SGSM2: variants seen among roughly 807,000 people sequenced by gnomAD.
The protein encoded by SGSM2 is small G protein signaling modulator 2, also known as RUN and TBC1 domain containing 1.
In SGSM2, 89 loss-of-function variants were observed where a neutral mutation model predicts 126.6. The ratio of observed to expected loss-of-function variants is 0.70; its 90% CI spans 0.59 to 0.84. SGSM2 has a LOEUF of 0.84. Among genes scored for constraint, SGSM2 ranks in the 40% least tolerant of loss-of-function variants. The pLI is 0.00. For synonymous variants in SGSM2, 614 were observed against 574.3 expected, an observed-to-expected ratio of 1.07 and a Z score of -0.99; for missense variants, 1,404 against 1,416.6, an observed-to-expected ratio of 0.99 and a Z score of 0.14.
In SGSM2 at chr17:2,349,788, G is replaced by GATTT. The variant is rs138851417; in HGVS notation, c.133+6168_133+6169insATTT. On this transcript the variant is annotated intron_variant, in intron 2 of 23. Transcript: ENST00000268989. ...TGGTTGGAATTTTCCCTAGTGAAAT[G>GATTT]TTTTGTTTTTTTTTTTTGAGATGGA... Among the ~76,000 whole-genome samples the GATTT allele has an allele frequency of 3.4e-5, 5 of 147,512 alleles. 1 individual carries two copies. Among genetic ancestry groups the GATTT allele is most frequent in the Non-Finnish European group, 4.5e-5 (3 of 67,002 alleles).
intron 8 of SGSM2, 170 bp from the exon 9 acceptor site, chr17:2,364,426 G>C: frequency 2.4e-6 from 2 of 822,082 alleles, no homozygotes; most frequent in South Asian, 3.3e-5. Flanking sequence ...CTGTCCATGT[G>C]CCGAGCGGGC....
In SGSM2 at chr17:2,376,194, A is replaced by C. The variant is rs761413413; in HGVS notation, c.2542A>C (p.Arg848=). 6.2e-7 allele frequency: 1 copy of C among 1,613,804 alleles called. No individual in the cohort carries two copies. The highest frequency in any genetic ancestry group is 1.1e-5 in the South Asian group (1 of 91,066). ...NLHRIDKDVQ[R]CDRNYWYFTP... is the part of the protein sequence containing the mutation. ...GCACCGCATAGACAAGGATGTGCAG[A>C]GGTGTGACCGCAACTACTGGTACTT... is the stretch of plus-strand genomic sequence containing the variant. Residue 848 remains arginine (R), a synonymous_variant, in exon 19 of 24, where the codon AGG becomes CGG. Coordinates refer to ENST00000268989, the MANE Select transcript of SGSM2 (RefSeq NM_014853.3).
intron 2 of SGSM2, among the ~76,000 whole-genome samples, chr17:2,346,385 C>T (rs2064598956): frequency 6.6e-6 from 1 of 152,164 alleles, no homozygotes; most frequent in Non-Finnish European, 1.5e-5. Flanking sequence ...CTCTGAGCTT[C>T]TTAGAATGCA....
At chr17:2,369,268 C>T (rs944682270) in intron 12 of SGSM2, among the ~76,000 whole-genome samples, 5 of 152,128 alleles carry the variant, frequency 3.3e-5, no homozygotes, top group African/African-American at 1.2e-4. Flanking sequence ...GAATCAGTGG[C>T]GGGGTGTCCA....
At chr17:2,355,016 G>A (rs2065039075) in intron 2 of SGSM2, among the ~76,000 whole-genome samples, 2 of 122,634 alleles carry the variant, frequency 1.6e-5, no homozygotes, top group Non-Finnish European at 3.3e-5. Flanking sequence ...ATCTTAGAAT[G>A]GTGGAATCGG....
intron 13 of SGSM2, 62 bp downstream of exon 13, chr17:2,371,477 CTG>C: frequency 5.3e-6 from 8 of 1,522,988 alleles, no homozygotes; most frequent in Non-Finnish European, 6.2e-6. Context: ...GTGTGTCCGT[CTG>C]TCCTTAAAGG....
At chr17:2,368,384 A>G (rs1220901051) in intron 12 of SGSM2, among the ~76,000 whole-genome samples, 1 of 152,200 alleles carries the variant, frequency 6.6e-6, no homozygotes. Context: ...GTTCTCCCAG[A>G]GACGAGGGGA....
In SGSM2 at chr17:2,362,778, C is replaced by T. The variant is rs1274837772; in HGVS notation, c.459-60C>T. On this transcript the variant is annotated intron_variant, in intron 4 of 23. Coordinates refer to ENST00000268989, the MANE Select transcript of SGSM2 (RefSeq NM_014853.3). This position sits in a 1 kb window ranked among gnomAD's most constrained non-coding sequence, Gnocchi z 4.9. Reference sequence around the variant, plus strand: ...TGTGGGGATGTCCCTACCTGGTGAGCTTGACTGCCCTGGAATGAGCCCCGG... The same window carrying T: ...TGTGGGGATGTCCCTACCTGGTGAGTTTGACTGCCCTGGAATGAGCCCCGG... 3.8e-6 allele frequency: 6 copies of T among 1,570,120 alleles called. No individual in the cohort carries two copies. Among genetic ancestry groups the T allele is most frequent in the Non-Finnish European group, 5.2e-6 (6 of 1,142,992 alleles).
chr17:2,372,338 C>G lies in SGSM2; in HGVS notation c.1643-5C>G. On this transcript the variant is annotated splice_region_variant and splice_polypyrimidine_tract_variant and intron_variant, in intron 14 of 23. Transcript: ENST00000268989. The surrounding 1 kb of genome is among the most constrained non-coding windows in gnomAD (Gnocchi z 6.0). ...CCTCCTGCTGCCCACCGCTGCCCAC[C>G]GCAGGGCTGGCACACTGCCGCCACC... The G allele has an allele frequency of 6.2e-7, 1 of 1,600,148 alleles. No homozygotes were observed. The highest frequency in any genetic ancestry group is 1.1e-5 in the South Asian group (1 of 90,106).
At chr17:2,343,456 C>T in intron 1 of SGSM2, 89 bp from the exon 2 acceptor site, 2 of 1,350,264 alleles carry the variant, frequency 1.5e-6, no homozygotes, top group East Asian at 2.3e-5. Flanking sequence ...CCCTTCAGAC[C>T]AGAAGGGCGG....
intron 1 of SGSM2, among the ~76,000 whole-genome samples, chr17:2,341,678 G>T (rs1157698855): frequency 6.6e-6 from 1 of 152,154 alleles, no homozygotes; most frequent in East Asian, 1.9e-4. Flanking sequence ...ATAATCTCCA[G>T]TACTAGGACT....
chr17:2,352,034 A>C (rs2064875644), intron 2 of SGSM2, among the ~76,000 whole-genome samples: 1 of 152,202 alleles, frequency 6.6e-6, no homozygotes, highest in African/African-American at 2.4e-5. Context: ...GAAGCGGGGA[A>C]GAGAGGGGCA....
At chr17:2,340,639 C>G (rs979029130) in intron 1 of SGSM2, among the ~76,000 whole-genome samples, 3 of 151,214 alleles carry the variant, frequency 2.0e-5, no homozygotes, top group South Asian at 2.1e-4. Flanking sequence ...GGCTGGAGTG[C>G]CGTGGCGCCA....
intron 9 of SGSM2, 93 bp downstream of exon 9, chr17:2,364,756 C>A: frequency 6.4e-7 from 1 of 1,560,528 alleles, no homozygotes; most frequent in Non-Finnish European, 8.8e-7. Flanking sequence ...ACTCCTCGTC[C>A]TCCTCCCATC....
rs2064139583 is a variant in SGSM2, at chr17:2,337,712, CAA to C, written c.26_27del (p.Lys9ArgfsTer26). 1.3e-6 allele frequency: 2 copies of C among 1,543,530 alleles called. No homozygotes were observed. The highest frequency in any genetic ancestry group is 1.8e-6 in the Non-Finnish European group (2 of 1,142,694). MGSAEDAV[K>X]EKLLWNVKKE... ...CCATGGGCAGCGCAGAGGACGCAGT[CAA>C]AGAGAAACTGCTGTGGAACGTGAAG... is the stretch of plus-strand genomic sequence containing the variant. On this transcript the variant is annotated frameshift_variant, in exon 1 of 24. Transcript: ENST00000268989. LOFTEE classifies it high-confidence loss of function. The surrounding 1 kb of genome is among the most constrained non-coding windows in gnomAD (Gnocchi z 5.1).
At position 2,337,767 on chromosome 17, in the gene SGSM2, C is replaced by CG; in HGVS notation, c.57+28dup. The CG allele has an allele frequency of 9.3e-6, 14 of 1,507,210 alleles. No individual in the cohort carries two copies. The highest frequency in any genetic ancestry group is 5.5e-5 in the East Asian group (2 of 36,474). The allele number at this position is 1,507,210 out of a possible 1,614,324, so 93.4% of individuals were successfully genotyped here. A position where few individuals can be genotyped will look rare whatever the true frequency, so the allele number is the denominator to read the frequency against. The stretch of plus-strand genomic sequence containing the variant: ...GGAGGTAAAGTCGAGTCAAGAACCC[C>CG]GGGGGGCTCGCGCCCTGGCCCGCGC... On this transcript the variant is annotated intron_variant, in intron 1 of 23. Transcript: ENST00000268989. The surrounding 1 kb of genome is among the most constrained non-coding windows in gnomAD (Gnocchi z 5.1).
chr17:2,347,251 G>A (rs1393994469), intron 2 of SGSM2, among the ~76,000 whole-genome samples: 2 of 152,038 alleles, frequency 1.3e-5, no homozygotes, highest in East Asian at 3.9e-4. Context: ...GATTACAGGT[G>A]CCTGCCACCA....
At chr17:2,345,189 A>G (rs941636652) in intron 2 of SGSM2, among the ~76,000 whole-genome samples, 3 of 152,182 alleles carry the variant, frequency 2.0e-5, no homozygotes, top group African/African-American at 7.2e-5. Flanking sequence ...TCGGCCGGGC[A>G]CAGTGGCTCA....
chr17:2,380,792 A>G lies in SGSM2; in HGVS notation c.*1272A>G, dbSNP rs774773534. The G allele has an allele frequency of 5.2e-6, 1 of 193,874 alleles. No individual in the cohort carries two copies. The highest frequency in any genetic ancestry group is 1.1e-5 in the Non-Finnish European group (1 of 94,160). 12.0% of individuals were successfully genotyped at this position (193,874 alleles called of 1,614,324 possible). On this transcript the variant is annotated 3_prime_UTR_variant, in exon 24 of 24. Coordinates refer to ENST00000268989, the MANE Select transcript of SGSM2 (RefSeq NM_014853.3). ...CTTTCTGCATTTGAGAAACATGACA[A>G]AGGGCCCCGCAGCCCTTCTGCACCC...
Sources: gnomAD v4.1 joint callset for allele counts (sites outside exome capture counted in the v4.1 genomes callset) on GRCh38, gnomAD v4.1.1 for gene constraint, Gnocchi (gnomAD v3.1) non-coding constraint, MANE v1.5 for transcripts, NCBI Gene and HGNC (gene_info 2026-07-23, HGNC 2026-07-21) for gene names.